The following PCDHGA4 variants were observed in gnomAD, a reference collection of about 807,000 sequenced individuals.
PCDHGA4 encodes the protein protocadherin gamma-A4.
A neutral mutation model predicts 54.6 loss-of-function variants in PCDHGA4; 38 were observed. That is an observed-to-expected ratio of 0.70 (90% confidence interval 0.54 to 0.91). PCDHGA4 has a LOEUF of 0.91. PCDHGA4 is among the 40% of genes least tolerant of loss of function. PCDHGA4 has a pLI of 0.00. For missense variants in PCDHGA4, 1,298 were observed against 1,220.9 expected (o/e 1.06, Z -0.94); for synonymous variants, 511 against 512.9 (o/e 1.00, Z 0.05).
At chr5:141,481,747 T>A (rs1319673737) in intron 1 of PCDHGA4, among the ~76,000 whole-genome samples, 3 of 151,684 alleles carry the variant, frequency 2.0e-5, no homozygotes, top group African/African-American at 7.3e-5. Flanking sequence ...AGGTCAGGAG[T>A]CCAAGACCAG....
At chr5:141,446,718 C>T (rs1279970040) in intron 1 of PCDHGA4, among the ~76,000 whole-genome samples, 4 of 152,174 alleles carry the variant, frequency 2.6e-5, no homozygotes, top group South Asian at 2.1e-4. Flanking sequence ...CTGCCCGCCT[C>T]GGCCTCCCAA....
At chr5:141,366,253 C>T in intron 1 of PCDHGA4, 3 of 1,613,750 alleles carry the variant, frequency 1.9e-6, no homozygotes, top group Non-Finnish European at 1.7e-6. Flanking sequence ...TCAAGCAGAG[C>T]CTCGTGGTGG....
intron 1 of PCDHGA4, chr5:141,409,931 A>G: frequency 1.2e-6 from 2 of 1,613,260 alleles, no homozygotes; most frequent in Non-Finnish European, 1.7e-6. Flanking sequence ...GTTCTTCGAT[A>G]TGGTACCTCG....
intron 1 of PCDHGA4, chr5:141,364,891 T>C: frequency 1.2e-6 from 2 of 1,613,950 alleles, no homozygotes; most frequent in Middle Eastern, 1.6e-4. Flanking sequence ...GCGGAACTGA[T>C]GGACAAAAGT....
intron 1 of PCDHGA4, among the ~76,000 whole-genome samples, chr5:141,438,296 A>G (rs902991313): frequency 6.6e-6 from 1 of 152,034 alleles, no homozygotes; most frequent in Non-Finnish European, 1.5e-5. Context: ...CTGTATGTAA[A>G]AGAAGTTGGT....
intron 1 of PCDHGA4, chr5:141,410,723 T>G: frequency 7.2e-7 from 1 of 1,391,168 alleles, no homozygotes; most frequent in Non-Finnish European, 9.6e-7. Context: ...ATGTTTAAAA[T>G]CCATAGCTTT....
At chr5:141,383,492 G>A (rs1012277194) in intron 1 of PCDHGA4, 4 of 1,613,060 alleles carry the variant, frequency 2.5e-6, no homozygotes, top group African/African-American at 2.7e-5. Context: ...GTGCTGGAGC[G>A]GGTGCTGGAC....
At chr5:141,364,497 C>T (rs768698440) in intron 1 of PCDHGA4, 1 of 1,614,016 alleles carries the variant, frequency 6.2e-7, no homozygotes. Flanking sequence ...GGGCTGGAGC[C>T]CCAGGAGCTG....
chr5:141,474,417 C>A (rs1321402346), intron 1 of PCDHGA4, among the ~76,000 whole-genome samples: 1 of 152,222 alleles, frequency 6.6e-6, no homozygotes, highest in African/African-American at 2.4e-5. Context: ...GATGCCTAGA[C>A]CATTGGTCCT....
chr5:141,451,582 T>C (rs1361047985), intron 1 of PCDHGA4, among the ~76,000 whole-genome samples: 1 of 152,012 alleles, frequency 6.6e-6, no homozygotes, highest in Non-Finnish European at 1.5e-5. Flanking sequence ...TAAACCTAAT[T>C]TTGAAAGTGA....
chr5:141,409,883 C>CGGGTGCTGTACCCAGCTCT, intron 1 of PCDHGA4: 1 of 1,612,988 alleles, frequency 6.2e-7, no homozygotes, highest in Non-Finnish European at 8.5e-7. Context: ...CAACGCACCG[C>CGGGTGCTGTACCCAGCTCT]GGGTGCTGTA....
At chr5:141,360,262 A>G in intron 1 of PCDHGA4, 1 of 1,613,978 alleles carries the variant, frequency 6.2e-7, no homozygotes, top group Non-Finnish European at 8.5e-7. Context: ...GGAGCTGGCC[A>G]AAAACTCGGT....
intron 1 of PCDHGA4, among the ~76,000 whole-genome samples, chr5:141,466,519 C>A (rs1406838553): frequency 6.6e-6 from 1 of 151,864 alleles, no homozygotes; most frequent in Non-Finnish European, 1.5e-5. Flanking sequence ...CATTTTTTTT[C>A]CTCCCAAATT....
At chr5:141,393,167 G>C (rs889451396) in intron 1 of PCDHGA4, 17 of 1,613,166 alleles carry the variant, frequency 1.1e-5, no homozygotes, top group East Asian at 2.2e-5. Context: ...AACTCTTTGG[G>C]GTAGAAATAG....
intron 1 of PCDHGA4, among the ~76,000 whole-genome samples, chr5:141,429,812 A>G (rs2097246172): frequency 6.6e-6 from 1 of 152,226 alleles, no homozygotes; most frequent in South Asian, 2.1e-4. Context: ...AGTAATTACA[A>G]TTAGGTCAGT....
At chr5:141,509,631 C>A (rs1250891268) in intron 3 of PCDHGA4, among the ~76,000 whole-genome samples, 1 of 152,200 alleles carries the variant, frequency 6.6e-6, no homozygotes, top group East Asian at 1.9e-4. Flanking sequence ...CTGGGTGATG[C>A]TGAGCCAGGG....
intron 1 of PCDHGA4, chr5:141,414,582 C>T (rs2095761888): frequency 2.5e-6 from 4 of 1,613,862 alleles, no homozygotes; most frequent in Non-Finnish European, 3.4e-6. Flanking sequence ...CAGAGAACAA[C>T]GCCAGGGGTG....
At chr5:141,395,264 A>G in intron 1 of PCDHGA4, 1 of 1,549,832 alleles carries the variant, frequency 6.5e-7, no homozygotes, top group Non-Finnish European at 8.7e-7. Flanking sequence ...GCTTGCTTTT[A>G]ATTTCCAGAT....
chr5:141,368,426 C>T (rs998020099), intron 1 of PCDHGA4, among the ~76,000 whole-genome samples: 8 of 151,928 alleles, frequency 5.3e-5, no homozygotes, highest in African/African-American at 1.9e-4. Context: ...GACATTCTGA[C>T]CAAAATGTAA....
Sources: gnomAD v4.1 joint callset for allele counts (sites outside exome capture counted in the v4.1 genomes callset) on GRCh38, gnomAD v4.1.1 for gene constraint, MANE v1.5 for transcripts, NCBI Gene and HGNC (gene_info 2026-07-23, HGNC 2026-07-21) for gene names.